Variants in EXOC4 observed in about 807,000 individuals in gnomAD.
EXOC4 encodes SEC8-like 1.
In EXOC4, 71 loss-of-function variants were observed where a neutral mutation model predicts 107.2. That is an observed-to-expected ratio of 0.66 (90% confidence interval 0.55 to 0.81). EXOC4 has a LOEUF of 0.81. Ranked by LOEUF, EXOC4 falls within the 30% of genes least tolerant of loss-of-function variation. The pLI, the probability that EXOC4 is intolerant of heterozygous loss-of-function variation, is 0.00. For missense variants in EXOC4, 1,108 were observed against 1,189.6 expected (o/e 0.93, Z 1.01); for synonymous variants, 456 against 441.2 (o/e 1.03, Z -0.42).
At position 133,646,025 on chromosome 7, in the gene EXOC4, C is replaced by T. The variant is rs150802613; in HGVS notation, c.1514+15884C>T. On this transcript the variant is annotated intron_variant, in intron 10 of 17. Coordinates refer to ENST00000253861, the MANE Select transcript of EXOC4 (RefSeq NM_021807.4). Reference sequence around the variant, plus strand: ...ACCATTAATTTCCCATGACAGCACACGAAGCTTCTCCTCTCCTCCTCTCCC... The same window carrying T: ...ACCATTAATTTCCCATGACAGCACATGAAGCTTCTCCTCTCCTCCTCTCCC... 1.3e-3 allele frequency among the ~76,000 whole-genome samples: 191 copies of T among 145,730 alleles called. 1 individual carries two copies. Among genetic ancestry groups the T allele is most frequent in the African/African-American group, 4.5e-3 (182 of 40,394 alleles).
intron 5 of EXOC4, among the ~76,000 whole-genome samples, chr7:133,350,443 A>G (rs1356881538): frequency 3.3e-5 from 5 of 151,980 alleles, no homozygotes; most frequent in African/African-American, 9.7e-5. Context: ...TCCCCATTGA[A>G]TGGTCTTGGT....
Position 133,613,904 on chromosome 7 carries a change from C to G in EXOC4, c.1418-16141C>G, listed in dbSNP as rs141014177. 5.3e-5 allele frequency among the ~76,000 whole-genome samples: 8 copies of G among 152,160 alleles called. No individual in the cohort carries two copies. In the East Asian group the frequency reaches 1.5e-3, roughly 29 times the overall value. On this transcript the variant is annotated intron_variant, in intron 9 of 17. Coordinates refer to ENST00000253861, the MANE Select transcript of EXOC4 (RefSeq NM_021807.4). The stretch of plus-strand genomic sequence containing the variant: ...ATATAGGGAAGTCATTATATGGTAA[C>G]TTAAGGCAAAAGGAAGGTGAAGGAT...
chr7:133,892,909 T>G (rs1799227377), intron 11 of EXOC4, among the ~76,000 whole-genome samples: 2 of 125,324 alleles, frequency 1.6e-5, no homozygotes, highest in Non-Finnish European at 3.2e-5. Context: ...TCTGTTGATT[T>G]GGGGTGGAGA....
intron 11 of EXOC4, among the ~76,000 whole-genome samples, chr7:133,864,018 A>G (rs1429456217): frequency 1.3e-5 from 2 of 152,132 alleles, no homozygotes; most frequent in Non-Finnish European, 2.9e-5. Context: ...ACTTATTCTC[A>G]TCATCATCAT....
the EXOC4 span, among the ~76,000 whole-genome samples, chr7:134,076,680 A>G: frequency 6.8e-6 from 1 of 147,264 alleles, no homozygotes; most frequent in African/African-American, 2.5e-5. Context: ...TATATCTAAC[A>G]TAGAAAAAAC....
intron 2 of EXOC4, among the ~76,000 whole-genome samples, chr7:133,284,600 C>T (rs1012154436): frequency 2.6e-5 from 4 of 152,118 alleles, no homozygotes; most frequent in South Asian, 2.1e-4. Flanking sequence ...GGCCCGATCT[C>T]GGCTCACTGC....
chr7:133,743,453 C>G (rs749696081), intron 10 of EXOC4, among the ~76,000 whole-genome samples: 1 of 152,194 alleles, frequency 6.6e-6, no homozygotes, highest in Non-Finnish European at 1.5e-5. Flanking sequence ...AAATGTACCC[C>G]TTAGCAGCTG....
intron 11 of EXOC4, among the ~76,000 whole-genome samples, chr7:133,825,252 C>T (rs964397528): frequency 1.3e-5 from 2 of 151,478 alleles, no homozygotes; most frequent in African/African-American, 2.4e-5. Context: ...CCCAGCTACT[C>T]GGGAGGCTGA....
rs575387016 is a variant in EXOC4 at position 133,584,430 on chromosome 7, G to C, written c.1418-45615G>C. The stretch of plus-strand genomic sequence containing the variant: ...CAATGTAGTTGGAAGCCAGAGTTGG[G>C]AGTCTTCTCTGACAATTAACTTTGC... On this transcript the variant is annotated intron_variant, in intron 9 of 17. Coordinates refer to ENST00000253861, the MANE Select transcript of EXOC4 (RefSeq NM_021807.4). Among the ~76,000 whole-genome samples, 7 of 152,180 alleles carry C rather than the reference G, an allele frequency of 4.6e-5. No individual in the cohort carries two copies. The East Asian group carries it at 1.4e-3, about 29-fold the overall frequency.
intron 11 of EXOC4, among the ~76,000 whole-genome samples, chr7:133,847,491 G>T (rs1168151446): frequency 2.0e-5 from 3 of 149,306 alleles, no homozygotes; most frequent in African/African-American, 7.4e-5. Flanking sequence ...CGATTGTCCT[G>T]CCTCTCAAGT....
chr7:134,082,120 T>C, the EXOC4 span, among the ~76,000 whole-genome samples: 1 of 152,014 alleles, frequency 6.6e-6, no homozygotes, highest in African/African-American at 2.4e-5. Context: ...ATTAGGAAAG[T>C]AAAGGAATAA....
intron 9 of EXOC4, among the ~76,000 whole-genome samples, chr7:133,608,959 A>G (rs1222892689): frequency 6.6e-6 from 1 of 152,212 alleles, no homozygotes; most frequent in Non-Finnish European, 1.5e-5. Context: ...TCTCACATTT[A>G]AGTGTCATAT....
chr7:133,509,164 C>T (rs2150896091), intron 9 of EXOC4, among the ~76,000 whole-genome samples: 1 of 152,270 alleles, frequency 6.6e-6, no homozygotes, highest in Middle Eastern at 3.4e-3. Context: ...CACTGTGGCT[C>T]ACGCCTGTAA....
At chr7:133,830,281 C>T (rs1397800256) in intron 11 of EXOC4, among the ~76,000 whole-genome samples, 1 of 152,190 alleles carries the variant, frequency 6.6e-6, no homozygotes, top group African/African-American at 2.4e-5. Context: ...AGAAGTGCTC[C>T]GGTGACCTTG....
chr7:133,394,436 C>G (rs1354391382), intron 7 of EXOC4, among the ~76,000 whole-genome samples: 1 of 151,992 alleles, frequency 6.6e-6, no homozygotes, highest in Admixed American at 6.6e-5. Flanking sequence ...TAAGTCTGTC[C>G]TTAGAATCAT....
chr7:133,686,225 A>G (rs908936364), intron 10 of EXOC4, among the ~76,000 whole-genome samples: 4 of 152,158 alleles, frequency 2.6e-5, no homozygotes, highest in African/African-American at 9.7e-5. Flanking sequence ...TCCAGCCTTC[A>G]TAACTGTAAG....
At chr7:133,330,880 C>CGGA in intron 5 of EXOC4, among the ~76,000 whole-genome samples, 1 of 151,998 alleles carries the variant, frequency 6.6e-6, no homozygotes, top group South Asian at 2.1e-4. Flanking sequence ...AGCTGCAAAC[C>CGGA]GGAGCTGTTC....
At chr7:133,742,967 A>G (rs1428388555) in intron 10 of EXOC4, among the ~76,000 whole-genome samples, 1 of 152,212 alleles carries the variant, frequency 6.6e-6, no homozygotes, top group Non-Finnish European at 1.5e-5. Flanking sequence ...AAGACGTTTA[A>G]CAAAGATTCT....
rs1229381374 is a variant in EXOC4, at chr7:133,916,308, G to A, written c.1872-1275G>A. On this transcript the variant is annotated intron_variant, in intron 12 of 17. Transcript: ENST00000253861. Reference sequence around the variant, plus strand: ...CCCGCTGCTCACCTCCTGCTGTGCCGCCCAGTTCCTAACAGGCCATGGACC... The same window carrying A: ...CCCGCTGCTCACCTCCTGCTGTGCCACCCAGTTCCTAACAGGCCATGGACC... 8.5e-5 allele frequency among the ~76,000 whole-genome samples: 13 copies of A among 152,302 alleles called. 4 individuals carry two copies. The highest frequency in any genetic ancestry group is 7.2e-4 in the Admixed American group (11 of 15,306).
Sources: gnomAD v4.1 joint callset for allele counts (sites outside exome capture counted in the v4.1 genomes callset) on GRCh38, gnomAD v4.1.1 for gene constraint, MANE v1.5 for transcripts, NCBI Gene and HGNC (gene_info 2026-07-23, HGNC 2026-07-21) for gene names.